The following ZNF385D variants were observed in gnomAD, a reference collection of about 807,000 sequenced individuals.
ZNF385D encodes zinc finger protein 659.
ZNF385D carries 15 observed loss-of-function variants against 35.8 expected under a neutral mutation model. The observed-to-expected ratio is 0.42, with a 90% CI of 0.28 to 0.64. The LOEUF (loss-of-function observed/expected upper bound fraction) is 0.64, where lower values mean the gene tolerates loss of function less well. ZNF385D is among the 30% of genes least tolerant of loss of function. The pLI is 0.23. For synonymous variants in ZNF385D, 212 were observed against 186.8 expected (o/e 1.13, Z -1.10); for missense variants, 474 against 494.6 (o/e 0.96, Z 0.39).
chr3:21,492,487 A>G (rs1458953415), intron 4 of ZNF385D, among the ~76,000 whole-genome samples: 1 of 141,406 alleles, frequency 7.1e-6, no homozygotes, highest in Non-Finnish European at 1.6e-5. Context: ...TCGTATTACT[A>G]AAAAAAAAAA....
Position 21,971,846 on chromosome 3 carries a change from C to T in ZNF385D, c.325+196971G>A, listed in dbSNP as rs1297177249. On this transcript the variant is annotated intron_variant, in intron 3 of 5. Transcript: ENST00000494108. ...ATATTAGACAAAATAGATTTAAAAA[C>T]AAAAACTATGAGACAAAGAAGGTCA... 3.3e-5 allele frequency among the ~76,000 whole-genome samples: 5 copies of T among 151,704 alleles called. No homozygotes were observed. In the East Asian group the frequency reaches 7.7e-4, roughly 23 times the overall value.
At chr3:22,311,990 G>A (rs1575095593) in intron 2 of ZNF385D, among the ~76,000 whole-genome samples, 1 of 152,082 alleles carries the variant, frequency 6.6e-6, no homozygotes, top group African/African-American at 2.4e-5. Context: ...AACACTTGGA[G>A]GCATTAGAAT....
intron 3 of ZNF385D, among the ~76,000 whole-genome samples, chr3:22,069,773 C>T (rs1302149439): frequency 1.3e-5 from 2 of 152,184 alleles, no homozygotes; most frequent in African/African-American, 4.8e-5. Flanking sequence ...GACTCCTCCA[C>T]ATGGCCCTAT....
chr3:21,432,479 G>C (rs190697079), intron 5 of ZNF385D, among the ~76,000 whole-genome samples: 1 of 152,130 alleles, frequency 6.6e-6, no homozygotes, highest in East Asian at 1.9e-4. Flanking sequence ...TTAGTAATGA[G>C]CTTTAACTAT....
At chr3:21,632,340 A>G (rs1284032177) in intron 2 of ZNF385D, among the ~76,000 whole-genome samples, 1 of 152,168 alleles carries the variant, frequency 6.6e-6, no homozygotes, top group Non-Finnish European at 1.5e-5. Context: ...AGTTTTAACT[A>G]AAAGTGACCA....
At chr3:21,775,549 A>G (rs2071252661) in intron 3 of ZNF385D, among the ~76,000 whole-genome samples, 1 of 151,880 alleles carries the variant, frequency 6.6e-6, no homozygotes, top group South Asian at 2.1e-4. Context: ...CCTCCTGGCT[A>G]TTTCTTTAGC....
intron 2 of ZNF385D, among the ~76,000 whole-genome samples, chr3:21,641,913 G>A (rs1025583866): frequency 5.9e-5 from 9 of 152,064 alleles, no homozygotes; most frequent in Non-Finnish European, 1.2e-4. Flanking sequence ...AAGCTTGCAT[G>A]GGGGAATGCC....
At chr3:21,814,562 A>C (rs997719758) in intron 3 of ZNF385D, among the ~76,000 whole-genome samples, 17 of 152,202 alleles carry the variant, frequency 1.1e-4, no homozygotes, top group African/African-American at 3.9e-4. Context: ...ACTTTAAACC[A>C]ACAAAGATCA....
intron 3 of ZNF385D, among the ~76,000 whole-genome samples, chr3:21,937,145 C>A (rs1300010051): frequency 6.6e-6 from 1 of 151,834 alleles, no homozygotes; most frequent in Non-Finnish European, 1.5e-5. Context: ...AAAATGTGTT[C>A]ATAAAAAGTT....
At chr3:21,940,521 A>C (rs1701466365) in intron 3 of ZNF385D, among the ~76,000 whole-genome samples, 1 of 152,344 alleles carries the variant, frequency 6.6e-6, no homozygotes, top group South Asian at 2.1e-4. Flanking sequence ...AACAAAGTTT[A>C]TATTTTATGC....
At chr3:22,027,579 C>A (rs1697639331) in intron 3 of ZNF385D, among the ~76,000 whole-genome samples, 1 of 152,196 alleles carries the variant, frequency 6.6e-6, no homozygotes, top group Non-Finnish European at 1.5e-5. Context: ...TTGGTGGAAA[C>A]TGGACATTTG....
rs561016705 is a variant in ZNF385D at position 22,301,722 on chromosome 3, C to T, written c.106+70728G>A. ...CCTAGCACATTTCTTACCCTTGTGT[C>T]TGCAGGAAGCCATTATGAATTTGTG... is the stretch of plus-strand genomic sequence containing the variant. On this transcript the variant is annotated intron_variant, in intron 2 of 5. Coordinates refer to the ZNF385D transcript ENST00000494108. 3.3e-5 allele frequency among the ~76,000 whole-genome samples: 5 copies of T among 152,100 alleles called. No individual in the cohort carries two copies. In the South Asian group the frequency reaches 1.0e-3, roughly 32 times the overall value.
intron 3 of ZNF385D, among the ~76,000 whole-genome samples, chr3:22,016,413 T>A (rs1172682967): frequency 6.6e-6 from 1 of 152,138 alleles, no homozygotes; most frequent in East Asian, 1.9e-4. Flanking sequence ...TATCCCACGA[T>A]GACAGGCAAA....
intron 2 of ZNF385D, among the ~76,000 whole-genome samples, chr3:22,173,748 G>T (rs899999458): frequency 7.2e-5 from 11 of 152,150 alleles, no homozygotes; most frequent in Admixed American, 5.9e-4. Flanking sequence ...CTTCTTACTT[G>T]CCGTATACAA....
At chr3:22,240,495 T>C (rs1699434899) in intron 2 of ZNF385D, among the ~76,000 whole-genome samples, 1 of 150,942 alleles carries the variant, frequency 6.6e-6, no homozygotes, top group South Asian at 2.2e-4. Context: ...TTTACTTAGC[T>C]CCTTTCTAAT....
At chr3:21,882,350 G>C (rs1698322644) in intron 3 of ZNF385D, among the ~76,000 whole-genome samples, 1 of 152,024 alleles carries the variant, frequency 6.6e-6, no homozygotes, top group African/African-American at 2.4e-5. Context: ...CCAACGAAAA[G>C]ATTATGACTA....
chr3:22,085,755 A>G (rs1700999945), intron 3 of ZNF385D, among the ~76,000 whole-genome samples: 2 of 152,364 alleles, frequency 1.3e-5, no homozygotes. Context: ...CAATAAAAAA[A>G]GAAACTTTCA....
chr3:21,740,459 C>T (rs116610369), intron 1 of ZNF385D, among the ~76,000 whole-genome samples: 1,933 of 152,216 alleles, frequency 0.013, 39 homozygotes, highest in African/African-American at 0.044. Context: ...AAAATCCTTT[C>T]CAGAACTATA....
chr3:21,939,318 T>C (rs1342116429), intron 3 of ZNF385D, among the ~76,000 whole-genome samples: 1 of 152,204 alleles, frequency 6.6e-6, no homozygotes, highest in Non-Finnish European at 1.5e-5. Context: ...TAAGTACGTA[T>C]TATTTTCTTC....
Sources: gnomAD v4.1 joint callset for allele counts (sites outside exome capture counted in the v4.1 genomes callset) on GRCh38, gnomAD v4.1.1 for gene constraint, MANE v1.5 for transcripts, NCBI Gene and HGNC (gene_info 2026-07-23, HGNC 2026-07-21) for gene names.